Variants in ANLN observed in about 807,000 individuals in gnomAD.
ANLN encodes anillin, actin binding protein, also known as anillin.
A neutral mutation model predicts 135.1 loss-of-function variants in ANLN; 59 were observed. The ratio of observed to expected loss-of-function variants is 0.44; its 90% CI spans 0.35 to 0.54. ANLN has a LOEUF of 0.54. Among genes scored for constraint, ANLN ranks in the 20% least tolerant of loss-of-function variants. ANLN has a pLI of 0.00. For missense variants in ANLN, 1,182 were observed against 1,340.0 expected (o/e 0.88, Z 1.84); for synonymous variants, 406 against 456.4 (o/e 0.89, Z 1.41).
rs1215736568 is a variant in ANLN at position 36,443,793 on chromosome 7, T to C, written c.3009T>C (p.His1003=). The C allele has an allele frequency of 6.2e-7, 1 of 1,612,948 alleles. No individual in the cohort carries two copies. The highest frequency in any genetic ancestry group is 1.1e-5 in the South Asian group (1 of 90,720). The change falls in exon 22 of 24, where the codon CAT becomes CAC. Residue 1003 remains histidine, a synonymous_variant. Coordinates refer to ENST00000265748, the MANE Select transcript of ANLN (RefSeq NM_018685.5). Reference sequence around the variant, plus strand: ...ATGTTAGTGGTTTTGGTGCCTGGCATCGAAGATGGTGTGTTCTTTCTGGAA... The same window carrying C: ...ATGTTAGTGGTTTTGGTGCCTGGCACCGAAGATGGTGTGTTCTTTCTGGAA... ...FEDVSGFGAW[H]RRWCVLSGNC...
Position 36,439,290 on chromosome 7 carries a change from A to C in ANLN, c.2970A>C (p.Leu990=). Residue 990 remains leucine, a splice_region_variant and synonymous_variant, in exon 21 of 24, where the codon CTA becomes CTC. Coordinates refer to ENST00000265748, the MANE Select transcript of ANLN (RefSeq NM_018685.5). ...VNSSVEERGF[L]TIFEDVSGFG... ...CCAGTGTTGAAGAAAGAGGTTTTCT[A>C]GTAAGTAACATCACTTAGTCTTTAA... is the stretch of plus-strand genomic sequence containing the variant. 4.0e-6 allele frequency: 6 copies of C among 1,500,954 alleles called. No homozygotes were observed. The highest frequency in any genetic ancestry group is 5.5e-6 in the Non-Finnish European group (6 of 1,087,414). The allele number at this position is 1,500,954 out of a possible 1,614,324, so 93.0% of individuals were successfully genotyped here. A position where few individuals can be genotyped will look rare whatever the true frequency, so the allele number is the denominator to read the frequency against.
chr7:36,434,347 A>G (rs1788439885), intron 20 of ANLN, among the ~76,000 whole-genome samples: 1 of 152,222 alleles, frequency 6.6e-6, no homozygotes. Context: ...GTCTTCAACC[A>G]TCACTTCTCA....
At position 36,449,766 on chromosome 7, in the gene ANLN, T is replaced by C. The variant is rs1789167652; in HGVS notation, c.3180T>C (p.Thr1060=). ...GACGCAACACTTTTGAATTAATTAC[T>C]GTCCGACCACAAAGAGAAGATGACC... ...CARRNTFELI[T]VRPQREDDRE... is the part of the protein sequence containing the mutation. Residue 1060 remains threonine (T), a synonymous_variant, in exon 23 of 24, where the codon ACT becomes ACC. Transcript: ENST00000265748. 1.9e-6 allele frequency: 3 copies of C among 1,614,180 alleles called. No individual in the cohort carries two copies. Among genetic ancestry groups the C allele is most frequent in the South Asian group, 1.1e-5 (1 of 91,086 alleles).
chr7:36,410,621 C>G lies in ANLN; in HGVS notation c.1204C>G (p.Pro402Ala), dbSNP rs940830709. The G allele has an allele frequency of 1.2e-6, 2 of 1,614,116 alleles. No homozygotes were observed. The highest frequency in any genetic ancestry group is 1.3e-5 in the African/African-American group (1 of 75,026). ...ACCCCACAGAACCCCCATTATTACT[C>G]CAAATACAAAGGCCATCCAAGAAAG... The part of the protein sequence containing the change: ...STPHRTPIIT[P>A]NTKAIQERLF... Residue 402 changes from proline to alanine, a missense_variant, in exon 6 of 24, where the codon CCA (proline) becomes GCA (alanine). By Grantham distance (27) the Pro-to-Ala change is conservative (BLOSUM62 -1). Coordinates refer to ENST00000265748, the MANE Select transcript of ANLN (RefSeq NM_018685.5).
chr7:36,401,370 A>G (rs1562787179), intron 3 of ANLN, among the ~76,000 whole-genome samples: 1 of 152,072 alleles, frequency 6.6e-6, no homozygotes, highest in Admixed American at 6.6e-5. Context: ...ACAGAGTCTC[A>G]CTGTGCTGCC....
chr7:36,424,585 T>C lies in ANLN; in HGVS notation c.2644T>C (p.Tyr882His). The change falls in exon 16 of 24, where the codon TAC (tyrosine) becomes CAC (histidine). Residue 882 changes from tyrosine to histidine, a missense_variant. Tyr to His is a moderately conservative substitution (Grantham distance 83). Coordinates refer to ENST00000265748, the MANE Select transcript of ANLN (RefSeq NM_018685.5). The stretch of plus-strand genomic sequence containing the variant: ...TGACTTTGAAATAAATATTGAAGTT[T>C]ACAGCTTGGTAAGCTGATAAAGCCT... Reference protein sequence around the residue: ...SNDFEINIEVYSLVQKKDPSG... With the variant: ...SNDFEINIEVHSLVQKKDPSG... 1 of 1,600,962 alleles carries C rather than the reference T, an allele frequency of 6.2e-7. No individual in the cohort carries two copies. Among genetic ancestry groups the C allele is most frequent in the Non-Finnish European group, 8.5e-7 (1 of 1,172,902 alleles).
intron 2 of ANLN, among the ~76,000 whole-genome samples, chr7:36,398,617 T>C (rs1486477804): frequency 1.3e-5 from 2 of 152,228 alleles, no homozygotes; most frequent in Non-Finnish European, 2.9e-5. Flanking sequence ...TAAATATCTT[T>C]ATTTTTATTT....
At chr7:36,414,369 G>C (rs777632860) in intron 7 of ANLN, among the ~76,000 whole-genome samples, 1 of 152,190 alleles carries the variant, frequency 6.6e-6, no homozygotes, top group Non-Finnish European at 1.5e-5. Context: ...TTGATGGGAT[G>C]AGGTGAGAAT....
chr7:36,390,183 G>T, intron 1 of ANLN, 139 bp downstream of exon 1: 5 of 1,464,042 alleles, frequency 3.4e-6, no homozygotes, highest in Admixed American at 2.0e-5. Context: ...GCGGGCCGGG[G>T]TCGCCGCGGC....
intron 20 of ANLN, 121 bp from the exon 21 acceptor site, chr7:36,439,083 A>T (rs1164045629): frequency 4.2e-6 from 3 of 713,940 alleles, no homozygotes; most frequent in Non-Finnish European, 7.4e-6. Context: ...TTATACTCCA[A>T]CTTTAGAAAA....
intron 19 of ANLN, 106 bp from the exon 20 acceptor site, chr7:36,426,810 T>TC: frequency 9.2e-6 from 5 of 543,254 alleles, no homozygotes; most frequent in Non-Finnish European, 1.6e-5. Context: ...AGTTTTTTTT[T>TC]CTCTGTGGCA....
intron 12 of ANLN, 111 bp downstream of exon 12, chr7:36,420,855 T>C (rs1326571633): frequency 6.8e-6 from 7 of 1,028,954 alleles, no homozygotes; most frequent in Middle Eastern, 2.1e-4. Context: ...GTGGCCAGAA[T>C]AGTGTCTGAT....
chr7:36,425,675 T>C (rs1207010678), intron 17 of ANLN, 27 bp from the exon 18 acceptor site: 1 of 1,537,576 alleles, frequency 6.5e-7, no homozygotes, highest in Non-Finnish European at 9.0e-7. Flanking sequence ...ATAAGAAATA[T>C]ATATAGTAAG....
intron 22 of ANLN, among the ~76,000 whole-genome samples, chr7:36,446,289 T>G (rs1205500615): frequency 6.6e-6 from 1 of 152,248 alleles, no homozygotes; most frequent in East Asian, 1.9e-4. Flanking sequence ...TACTTCACAT[T>G]TAATTTCCCT....
rs1786834060 is a variant in ANLN at position 36,399,189 on chromosome 7, T to C, written c.283T>C (p.Ser95Pro). Residue 95 changes from serine (S) to proline (P), a missense_variant, in exon 3 of 24, where the codon TCT becomes CCT. Ser to Pro is a moderately conservative substitution (Grantham distance 74). Transcript: ENST00000265748. ...KQPVESTSAK[S>P]CSPSPVSPQV... ...ACCAGTTGAGTCGACATCTGCAAAA[T>C]CTTGTTCTCCAAGTCCTGTGTCTCC... 1 of 1,613,990 alleles carries C rather than the reference T, an allele frequency of 6.2e-7. No individual in the cohort carries two copies. Among genetic ancestry groups the C allele is most frequent in the African/African-American group, 1.3e-5 (1 of 74,898 alleles).
At chr7:36,400,665 G>A (rs1786907720) in intron 3 of ANLN, among the ~76,000 whole-genome samples, 1 of 152,168 alleles carries the variant, frequency 6.6e-6, no homozygotes. Flanking sequence ...TCCAGCAGTA[G>A]AAGCATTTCT....
intron 20 of ANLN, among the ~76,000 whole-genome samples, chr7:36,437,778 T>TATTTA (rs1209257387): frequency 6.7e-6 from 1 of 150,344 alleles, no homozygotes; most frequent in Non-Finnish European, 1.5e-5. Flanking sequence ...TATTTTATTT[T>TATTTA]AAAAATTTTT....
chr7:36,422,037 G>C lies in ANLN; in HGVS notation c.2299+45G>C, dbSNP rs372170224. On this transcript the variant is annotated intron_variant, in intron 13 of 23. Transcript: ENST00000265748. Reference sequence around the variant, plus strand: ...AAGAGTTCCAACAAATTTCTAACCAGGGAAAACTCATTTTGATATTTAGAA... The same window carrying C: ...AAGAGTTCCAACAAATTTCTAACCACGGAAAACTCATTTTGATATTTAGAA... 13 of 1,582,978 alleles carry C rather than the reference G, an allele frequency of 8.2e-6. No homozygotes were observed. In the African/African-American group the frequency reaches 1.8e-4, roughly 22 times the overall value.
At chr7:36,419,150 A>T in intron 9 of ANLN, 94 bp from the exon 10 acceptor site, 3 of 822,952 alleles carry the variant, frequency 3.6e-6, no homozygotes, top group South Asian at 2.3e-5. Context: ...ATTTTTTCCT[A>T]TTTAGTAAGA....
Sources: allele counts gnomAD v4.1 joint callset (sites outside exome capture counted in the v4.1 genomes callset), GRCh38; gene constraint gnomAD v4.1.1; transcripts MANE v1.5; gene names NCBI Gene and HGNC (gene_info 2026-07-23, HGNC 2026-07-21).